The following FAT3 variants were observed in gnomAD, a reference collection of about 807,000 sequenced individuals.
FAT3 encodes FAT atypical cadherin 3.
Under a neutral mutation model 310.2 loss-of-function variants are expected in FAT3, and 95 were observed. The ratio of observed to expected loss-of-function variants is 0.31; its 90% CI spans 0.26 to 0.36. The LOEUF (loss-of-function observed/expected upper bound fraction) is 0.36. Ranked by LOEUF, FAT3 falls within the 10% of genes least tolerant of loss-of-function variation. FAT3 has a pLI of 1.00. For missense variants in FAT3, 5,408 were observed against 5,715.6 expected (o/e 0.95, Z 1.74); for synonymous variants, 2,314 against 2,192.9 (o/e 1.06, Z -1.54).
rs58463882 is a variant in FAT3 at position 92,639,568 on chromosome 11, G to A, written c.3608-57816G>A. On this transcript the variant is annotated intron_variant, in intron 3 of 27. Transcript: ENST00000525166. ...ACTTACCTGGCCTGCCCACTTTGCTGGGAACCATTTAATGTCTGAGCATGG... is the reference window on the plus strand; with the variant it reads ...ACTTACCTGGCCTGCCCACTTTGCTAGGAACCATTTAATGTCTGAGCATGG... 4.4e-3 allele frequency among the ~76,000 whole-genome samples: 670 copies of A among 152,196 alleles called. 3 individuals are homozygous for A. The highest frequency in any genetic ancestry group is 0.016 in the African/African-American group (649 of 41,508).
rs370925383 is a variant in FAT3, at chr11:92,882,579, T to TCCCCCCC, written c.12282-154_12282-153insCCCCCCC. On this transcript the variant is annotated intron_variant, in intron 23 of 27. Transcript: ENST00000525166. ...TGGCCACAGAAATGCCTAAATTAAC[T>TCCCCCCC]CCCCCTCCCCCCCCCCACCAACCAT... Among the ~76,000 whole-genome samples, 102 of 80,302 alleles carry TCCCCCCC rather than the reference T, an allele frequency of 1.3e-3. 1 individual carries two copies. Among genetic ancestry groups the TCCCCCCC allele is most frequent in the African/African-American group, 2.1e-3 (36 of 17,298 alleles). The allele number at this position is 80,302 out of a possible 152,430, so 52.7% of individuals were successfully genotyped here.
chr11:92,417,839 C>T (rs377321138), intron 2 of FAT3, among the ~76,000 whole-genome samples: 4 of 152,182 alleles, frequency 2.6e-5, no homozygotes, highest in Non-Finnish European at 4.4e-5. Flanking sequence ...CATTGCAGCT[C>T]ACTGTGGATC....
chr11:92,761,790 A>G (rs773644716), intron 4 of FAT3, 66 bp from the exon 5 acceptor site: 13 of 1,443,956 alleles, frequency 9.0e-6, no homozygotes, highest in African/African-American at 1.4e-5. Context: ...AGAAACACCC[A>G]TAGGTTAACA....
intron 19 of FAT3, among the ~76,000 whole-genome samples, chr11:92,851,490 C>T (rs1487794993): frequency 1.3e-5 from 2 of 152,084 alleles, no homozygotes; most frequent in Non-Finnish European, 2.9e-5. Flanking sequence ...TAGCCAGGGC[C>T]AAAATCCAGG....
At chr11:92,254,233 C>T (rs768060893) in intron 1 of FAT3, among the ~76,000 whole-genome samples, 3 of 152,144 alleles carry the variant, frequency 2.0e-5, no homozygotes, top group Non-Finnish European at 4.4e-5. Flanking sequence ...CACCCTCTTT[C>T]ACACCAGGGG....
At chr11:92,278,964 G>A (rs1346696022) in intron 1 of FAT3, among the ~76,000 whole-genome samples, 1 of 152,100 alleles carries the variant, frequency 6.6e-6, no homozygotes, top group East Asian at 1.9e-4. Context: ...GGTGGGTGCT[G>A]TTGGATTCTA....
chr11:92,455,465 C>T (rs939700735), intron 2 of FAT3, among the ~76,000 whole-genome samples: 3 of 152,084 alleles, frequency 2.0e-5, no homozygotes, highest in Admixed American at 2.0e-4. Context: ...TGATGTTTTC[C>T]AGGCTGAAGC....
chr11:92,889,771 T>C (rs1949875326), intron 26 of FAT3, 85 bp from the exon 27 acceptor site: 1 of 710,998 alleles, frequency 1.4e-6, no homozygotes. Flanking sequence ...GAGTATGTTT[T>C]TAAAAGTCAT....
chr11:92,588,430 T>G (rs562295583), intron 3 of FAT3, among the ~76,000 whole-genome samples: 1 of 152,164 alleles, frequency 6.6e-6, no homozygotes, highest in East Asian at 1.9e-4. Context: ...CCTCATTGAT[T>G]AATTACAGCC....
Position 92,809,886 on chromosome 11 carries a change from C to T in FAT3, c.9291C>T (p.Pro3097=). 9 of 1,613,962 alleles carry T rather than the reference C, an allele frequency of 5.6e-6. No individual in the cohort carries two copies. Among genetic ancestry groups the T allele is most frequent in the Non-Finnish European group, 6.8e-6 (8 of 1,179,862 alleles). ...TLALLDRERI[P]VYSLMAKATD... ...CTCTGTTGGACCGGGAGAGGATCCCCGTGTACAGCCTGATGGCCAAGGCCA... is the reference window on the plus strand; with the variant it reads ...CTCTGTTGGACCGGGAGAGGATCCCTGTGTACAGCCTGATGGCCAAGGCCA... The change falls in exon 13 of 28, where the codon CCC becomes CCT. Residue 3097 remains proline (P), a synonymous_variant. Transcript: ENST00000525166.
chr11:92,438,911 G>C (rs1334406819), intron 2 of FAT3, among the ~76,000 whole-genome samples: 1 of 152,202 alleles, frequency 6.6e-6, no homozygotes, highest in African/African-American at 2.4e-5. Flanking sequence ...GTAGTACCAT[G>C]AAAGGTTTGG....
chr11:92,276,114 C>T (rs1282243415), intron 1 of FAT3, among the ~76,000 whole-genome samples: 1 of 152,084 alleles, frequency 6.6e-6, no homozygotes, highest in African/African-American at 2.4e-5. Flanking sequence ...TTTGCATGGG[C>T]AAATAGTCCC....
At chr11:92,633,255 C>T (rs1193593403) in intron 3 of FAT3, among the ~76,000 whole-genome samples, 2 of 152,052 alleles carry the variant, frequency 1.3e-5, no homozygotes, top group African/African-American at 2.4e-5. Flanking sequence ...ATAGAAAAGA[C>T]AGCTTTCACA....
chr11:92,234,496 G>A (rs1368874332), intron 1 of FAT3, among the ~76,000 whole-genome samples: 1 of 152,202 alleles, frequency 6.6e-6, no homozygotes, highest in Non-Finnish European at 1.5e-5. Flanking sequence ...GCCAGGAGTG[G>A]TGGCTCACGC....
intron 3 of FAT3, among the ~76,000 whole-genome samples, chr11:92,571,454 C>A (rs1251878505): frequency 6.6e-6 from 1 of 152,226 alleles, no homozygotes; most frequent in Non-Finnish European, 1.5e-5. Context: ...CCTAACTGCC[C>A]TAGTGGAGCA....
intron 1 of FAT3, among the ~76,000 whole-genome samples, chr11:92,257,460 C>T (rs990798500): frequency 1.3e-5 from 2 of 152,060 alleles, no homozygotes; most frequent in African/African-American, 2.4e-5. Context: ...TTGAATTGGT[C>T]TCTTGGGTCG....
At chr11:92,360,096 A>G (rs1181293472) in intron 2 of FAT3, among the ~76,000 whole-genome samples, 5 of 152,184 alleles carry the variant, frequency 3.3e-5, no homozygotes, top group African/African-American at 9.7e-5. Context: ...AGTCCCACCA[A>G]CAGTGTAAAC....
At chr11:92,289,557 C>CAT (rs1391737982) in intron 1 of FAT3, among the ~76,000 whole-genome samples, 2 of 150,706 alleles carry the variant, frequency 1.3e-5, no homozygotes, top group East Asian at 2.0e-4. Flanking sequence ...GCACATTTTA[C>CAT]ATATATATGT....
At chr11:92,257,261 A>AT (rs2134294351) in intron 1 of FAT3, among the ~76,000 whole-genome samples, 1 of 152,260 alleles carries the variant, frequency 6.6e-6, no homozygotes, top group South Asian at 2.1e-4. Context: ...CTTGCAAAAA[A>AT]CAGAGATCCT....
Sources: allele counts gnomAD v4.1 joint callset (sites outside exome capture counted in the v4.1 genomes callset), GRCh38; gene constraint gnomAD v4.1.1; transcripts MANE v1.5; gene names NCBI Gene and HGNC (gene_info 2026-07-23, HGNC 2026-07-21).